GALK2: variants seen among roughly 807,000 people sequenced by gnomAD.
The protein encoded by GALK2 is galactokinase 2, also known as N-acetylgalactosamine kinase.
GALK2 carries 36 observed loss-of-function variants against 52.4 expected under a neutral mutation model. The ratio of observed to expected loss-of-function variants is 0.69; its 90% CI spans 0.53 to 0.91. The LOEUF (loss-of-function observed/expected upper bound fraction) is 0.91. Ranked by LOEUF, GALK2 falls within the 40% of genes least tolerant of loss-of-function variation. The probability of loss-of-function intolerance (pLI) is 0.00; values close to 1 mark genes in which losing one functional copy is unlikely to be tolerated. For synonymous variants in GALK2, 176 were observed against 199.1 expected (o/e 0.88, Z 0.98); for missense variants, 579 against 559.1 (o/e 1.04, Z -0.36).
At chr15:49,269,979 C>T (rs1207148522) in intron 5 of GALK2, among the ~76,000 whole-genome samples, 1 of 152,242 alleles carries the variant, frequency 6.6e-6, no homozygotes, top group Non-Finnish European at 1.5e-5. Flanking sequence ...GTTGTTTCAA[C>T]TATTCCTTAT....
chr15:49,212,692 C>G (rs564431682), intron 2 of GALK2, among the ~76,000 whole-genome samples: 1 of 151,972 alleles, frequency 6.6e-6, no homozygotes, highest in Admixed American at 6.6e-5. Context: ...AGATTTTGAT[C>G]TGTTGTCTTT....
At chr15:49,260,400 T>A (rs534708812) in intron 5 of GALK2, among the ~76,000 whole-genome samples, 10 of 150,704 alleles carry the variant, frequency 6.6e-5, no homozygotes, top group African/African-American at 2.4e-4. Flanking sequence ...TTCGCCCACT[T>A]TTTCATGGGG....
downstream of GALK2, chr15:49,335,612 G>A (rs1442772759): frequency 4.6e-6 from 3 of 646,816 alleles, no homozygotes; most frequent in Non-Finnish European, 8.2e-6. Context: ...GTAATGAAGA[G>A]TCTCAAGTAT....
At chr15:49,356,119 C>A (rs36188688) in intron 3 of GALK2, among the ~76,000 whole-genome samples, 62,855 of 151,734 alleles carry the variant, frequency 0.41, 13,169 homozygotes, top group African/African-American at 0.43. Context: ...ACAACCGGTA[C>A]CAGCCGCTGT....
intron 2 of GALK2, among the ~76,000 whole-genome samples, chr15:49,202,669 C>G (rs2087883402): frequency 6.6e-6 from 1 of 152,120 alleles, no homozygotes. Flanking sequence ...AACAAGAGAG[C>G]CACATATCTC....
rs980355424 is a variant in GALK2, at chr15:49,192,505, A to G, written c.54-8657A>G. Among the ~76,000 whole-genome samples, 901 of 138,082 alleles carry G rather than the reference A, an allele frequency of 6.5e-3. 38 individuals carry two copies. The highest frequency in any genetic ancestry group is 0.023 in the African/African-American group (866 of 37,130). 90.6% of individuals were successfully genotyped at this position (138,082 alleles called of 152,430 possible). On this transcript the variant is annotated intron_variant, in intron 1 of 9. Transcript: ENST00000560031. The stretch of plus-strand genomic sequence containing the variant: ...TATATGTATATATATATATATATAT[A>G]TATATATATATATATATATAGTTGG...
intron 3 of GALK2, among the ~76,000 whole-genome samples, chr15:49,363,659 T>C (rs930306026): frequency 6.6e-6 from 1 of 152,202 alleles, no homozygotes; most frequent in South Asian, 2.1e-4. Flanking sequence ...TCCAATACTA[T>C]GTTGAATAGG....
At chr15:49,227,405 T>C (rs1289670781) in intron 3 of GALK2, among the ~76,000 whole-genome samples, 1 of 152,166 alleles carries the variant, frequency 6.6e-6, no homozygotes, top group Non-Finnish European at 1.5e-5. Context: ...TTTACTTTTT[T>C]TTGACTTAAA....
chr15:49,341,368 A>G (rs1412199142), intron 3 of GALK2, among the ~76,000 whole-genome samples: 2 of 152,156 alleles, frequency 1.3e-5, no homozygotes, highest in Non-Finnish European at 2.9e-5. Flanking sequence ...AACAATATTG[A>G]TTCTTCCAAC....
At chr15:49,162,647 C>T (rs1276041427) in intron 1 of GALK2, among the ~76,000 whole-genome samples, 1 of 152,128 alleles carries the variant, frequency 6.6e-6, no homozygotes, top group Non-Finnish European at 1.5e-5. Context: ...TTACATTATA[C>T]AAGATTGTTA....
rs190663235 is a variant in GALK2 at position 49,242,495 on chromosome 15, C to T, written c.504+3128C>T. Among the ~76,000 whole-genome samples, 648 of 152,178 alleles carry T rather than the reference C, an allele frequency of 4.3e-3. 9 individuals are homozygous for T. Among genetic ancestry groups the T allele is most frequent in the African/African-American group, 0.015 (612 of 41,530 alleles). ...GAGAATAGAGGAACAGAGGGACAACCGAAAATAACTAGCCTGTTTGATAAG... is the reference window on the plus strand; with the variant it reads ...GAGAATAGAGGAACAGAGGGACAACTGAAAATAACTAGCCTGTTTGATAAG... On this transcript the variant is annotated intron_variant, in intron 5 of 9. Coordinates refer to ENST00000560031, the MANE Select transcript of GALK2 (RefSeq NM_002044.4).
chr15:49,221,217 G>T (rs753470723), intron 3 of GALK2, among the ~76,000 whole-genome samples: 2 of 152,100 alleles, frequency 1.3e-5, no homozygotes, highest in African/African-American at 2.4e-5. Context: ...TGGGTGTTAT[G>T]TTTAAGTCTT....
intron 8 of GALK2, chr15:49,318,962 T>C (rs2036654189): frequency 2.2e-6 from 1 of 452,784 alleles, no homozygotes; most frequent in Non-Finnish European, 4.4e-6. Context: ...TTCTTTTTTT[T>C]TTTTTTGAGA....
rs372905837 is a variant in GALK2 at position 49,239,241 on chromosome 15, C to T, written c.378C>T (p.Asn126=). Residue 126 remains asparagine, a synonymous_variant, in exon 5 of 10, where the codon AAC becomes AAT. Transcript: ENST00000560031. ...KGIQEHFGLS[N]LTGMNCLVDG... ...CTTAGGAACACTTTGGTCTTAGTAA[C>T]CTGACTGGAATGAACTGCCTGGTAG... is the stretch of plus-strand genomic sequence containing the variant. 1.2e-6 allele frequency: 2 copies of T among 1,613,910 alleles called. No individual in the cohort carries two copies. Among genetic ancestry groups the T allele is most frequent in the African/African-American group, 2.7e-5 (2 of 74,910 alleles).
intron 5 of GALK2, among the ~76,000 whole-genome samples, chr15:49,271,428 A>C (rs573468183): frequency 7.0e-4 from 107 of 152,310 alleles, no homozygotes; most frequent in African/African-American, 2.5e-3. Flanking sequence ...CAATTGTGCT[A>C]GTGAGAGATA....
chr15:49,328,948 A>G lies in GALK2; in HGVS notation c.*789A>G. 2 of 1,109,674 alleles carry G rather than the reference A, an allele frequency of 1.8e-6. No homozygotes were observed. Among genetic ancestry groups the G allele is most frequent in the Non-Finnish European group, 2.2e-6 (2 of 903,722 alleles). 68.7% of individuals were successfully genotyped at this position (1,109,674 alleles called of 1,614,324 possible). On this transcript the variant is annotated 3_prime_UTR_variant, in exon 10 of 10. Coordinates refer to ENST00000560031, the MANE Select transcript of GALK2 (RefSeq NM_002044.4). ...AACACTTTAAGACTCTTCTATTCACATTGAAATAAAGAATTATCTAGATGA... is the reference window on the plus strand; with the variant it reads ...AACACTTTAAGACTCTTCTATTCACGTTGAAATAAAGAATTATCTAGATGA...
chr15:49,297,958 A>T (rs2034631514), intron 8 of GALK2, among the ~76,000 whole-genome samples: 1 of 152,022 alleles, frequency 6.6e-6, no homozygotes, highest in African/African-American at 2.4e-5. Context: ...GTGAGAAATG[A>T]CATTGGTAGT....
intron 5 of GALK2, among the ~76,000 whole-genome samples, chr15:49,257,072 G>A (rs1042775809): frequency 6.6e-6 from 1 of 152,042 alleles, no homozygotes; most frequent in African/African-American, 2.4e-5. Context: ...TGATCCACTG[G>A]TCTCTCTCCT....
At chr15:49,301,318 C>A (rs556141426) in intron 8 of GALK2, among the ~76,000 whole-genome samples, 1 of 152,256 alleles carries the variant, frequency 6.6e-6, no homozygotes, top group South Asian at 2.1e-4. Context: ...ATCCTTCAAT[C>A]CTTTAGATGT....
Sources: allele counts gnomAD v4.1 joint callset (sites outside exome capture counted in the v4.1 genomes callset), GRCh38; gene constraint gnomAD v4.1.1; transcripts MANE v1.5; gene names NCBI Gene and HGNC (gene_info 2026-07-23, HGNC 2026-07-21).